CCDC170: variants seen among roughly 807,000 people sequenced by gnomAD.
CCDC170 encodes the protein coiled-coil domain containing 170, also known as coiled-coil domain-containing protein 170.
Under a neutral mutation model 72.6 loss-of-function variants are expected in CCDC170, and 69 were observed. That is an observed-to-expected ratio of 0.95 (90% CI 0.78 to 1.16). The LOEUF is 1.16. Among genes scored for constraint, CCDC170 ranks in the 50% most tolerant of loss-of-function variants. CCDC170 has a pLI of 0.00. For missense variants in CCDC170, 852 were observed against 832.5 expected (o/e 1.02, Z -0.29); for synonymous variants, 300 against 303.9 (o/e 0.99, Z 0.13).
chr6:151,561,506 T>A (rs1776029922), intron 5 of CCDC170, among the ~76,000 whole-genome samples: 1 of 152,106 alleles, frequency 6.6e-6, no homozygotes, highest in Admixed American at 6.5e-5. Flanking sequence ...TGGCTGGCAA[T>A]TTTTTTCTTT....
chr6:151,560,941 T>C (rs1336342262), intron 5 of CCDC170, among the ~76,000 whole-genome samples: 2 of 152,168 alleles, frequency 1.3e-5, no homozygotes, highest in Admixed American at 1.3e-4. Context: ...AAGTGGAGCA[T>C]TTAGGCCATT....
At chr6:151,520,890 C>T (rs1782304860) in intron 1 of CCDC170, among the ~76,000 whole-genome samples, 1 of 152,200 alleles carries the variant, frequency 6.6e-6, no homozygotes, top group Non-Finnish European at 1.5e-5. Flanking sequence ...ATTCCTGAAG[C>T]TCAGAGAGAC....
intron 1 of CCDC170, among the ~76,000 whole-genome samples, chr6:151,519,677 G>A (rs181436796): frequency 6.6e-5 from 10 of 152,246 alleles, no homozygotes; most frequent in African/African-American, 1.2e-4. Flanking sequence ...CGGTCCCTCC[G>A]TTCGGGGTTC....
At chr6:151,587,207 GA>G (rs1028819247) in intron 7 of CCDC170, among the ~76,000 whole-genome samples, 2 of 152,118 alleles carry the variant, frequency 1.3e-5, no homozygotes, top group African/African-American at 4.8e-5. Context: ...GGAAGAGAAG[GA>G]GCCCGCACTG....
intron 8 of CCDC170, among the ~76,000 whole-genome samples, chr6:151,595,996 T>A (rs1429022097): frequency 6.6e-6 from 1 of 152,216 alleles, no homozygotes; most frequent in Admixed American, 6.5e-5. Flanking sequence ...TCTCTCTGTC[T>A]TATTACATTC....
chr6:151,526,548 G>A (rs6922704), intron 1 of CCDC170, among the ~76,000 whole-genome samples: 2 of 136,150 alleles, frequency 1.5e-5, no homozygotes, highest in African/African-American at 5.7e-5. Flanking sequence ...ATGGAGACTC[G>A]CTCTGTCGCC....
intron 9 of CCDC170, among the ~76,000 whole-genome samples, chr6:151,604,421 G>A (rs1047471004): frequency 1.3e-5 from 2 of 152,104 alleles, no homozygotes; most frequent in Non-Finnish European, 2.9e-5. Flanking sequence ...GGAGTGGAGG[G>A]GTGTGTCCTT....
chr6:151,597,574 G>T (rs2115121191), intron 9 of CCDC170, among the ~76,000 whole-genome samples: 1 of 152,346 alleles, frequency 6.6e-6, no homozygotes, highest in Non-Finnish European at 1.5e-5. Flanking sequence ...GCTGAAAAGA[G>T]TCAGGCAGGC....
At chr6:151,566,427 T>C (rs1388785415) in intron 5 of CCDC170, among the ~76,000 whole-genome samples, 5 of 152,164 alleles carry the variant, frequency 3.3e-5, no homozygotes, top group Non-Finnish European at 7.4e-5. Flanking sequence ...ACTTTTTTCC[T>C]TATTTCCAGT....
intron 1 of CCDC170, among the ~76,000 whole-genome samples, chr6:151,517,300 C>T (rs1315103946): frequency 6.6e-6 from 1 of 152,142 alleles, no homozygotes; most frequent in Non-Finnish European, 1.5e-5. Context: ...CCATTGCACT[C>T]CATCCTGGGC....
chr6:151,539,883 T>C (rs1782656025), intron 3 of CCDC170, among the ~76,000 whole-genome samples: 1 of 152,226 alleles, frequency 6.6e-6, no homozygotes. Flanking sequence ...TTCAAAATTC[T>C]TGCTATCAAA....
intron 1 of CCDC170, among the ~76,000 whole-genome samples, chr6:151,523,462 G>A (rs1010845998): frequency 2.0e-5 from 3 of 151,980 alleles, no homozygotes; most frequent in Non-Finnish European, 2.9e-5. Context: ...GAGGTGGGTG[G>A]ATCACTTGAG....
intron 3 of CCDC170, among the ~76,000 whole-genome samples, chr6:151,541,250 A>G (rs1335731392): frequency 6.6e-6 from 1 of 152,066 alleles, no homozygotes; most frequent in Non-Finnish European, 1.5e-5. Flanking sequence ...TACTCCTCTA[A>G]TATCTCTTGC....
intron 8 of CCDC170, 115 bp from the exon 9 acceptor site, chr6:151,596,220 G>T: frequency 3.2e-6 from 4 of 1,255,776 alleles, no homozygotes; most frequent in Non-Finnish European, 4.3e-6. Context: ...TTTTTTGATG[G>T]TTTACAAATT....
At chr6:151,539,012 A>T (rs1277271001) in intron 3 of CCDC170, among the ~76,000 whole-genome samples, 1 of 152,130 alleles carries the variant, frequency 6.6e-6, no homozygotes, top group Non-Finnish European at 1.5e-5. Context: ...CTGTAATCCC[A>T]GCACTTTTGG....
At chr6:151,598,674 G>A (rs1175116903) in intron 9 of CCDC170, among the ~76,000 whole-genome samples, 1 of 152,138 alleles carries the variant, frequency 6.6e-6, no homozygotes, top group Non-Finnish European at 1.5e-5. Flanking sequence ...CCTCCACCCA[G>A]TTATCATCTC....
intron 5 of CCDC170, among the ~76,000 whole-genome samples, chr6:151,554,764 C>T (rs867581624): frequency 4.6e-5 from 7 of 151,370 alleles, no homozygotes; most frequent in East Asian, 1.9e-4. Flanking sequence ...CTGCGCAGAG[C>T]GGTTAAGAAG....
Position 151,608,800 on chromosome 6 carries a change from C to A in CCDC170, c.1711-6643C>A, listed in dbSNP as rs115609999. Among the ~76,000 whole-genome samples the A allele has an allele frequency of 3.1e-3, 471 of 152,286 alleles. 2 individuals carry two copies. The highest frequency in any genetic ancestry group is 0.011 in the African/African-American group (443 of 41,560). On this transcript the variant is annotated intron_variant, in intron 9 of 10. Coordinates refer to ENST00000239374, the MANE Select transcript of CCDC170 (RefSeq NM_025059.4). Reference sequence around the variant, plus strand: ...TGGCTGTCAGGCTCTGGGGAGCATGCACTTTCAGTCTCAGGAAGTGAGTTT... The same window carrying A: ...TGGCTGTCAGGCTCTGGGGAGCATGAACTTTCAGTCTCAGGAAGTGAGTTT...
chr6:151,588,420 G>C (rs1353646121), intron 7 of CCDC170, among the ~76,000 whole-genome samples: 1 of 152,140 alleles, frequency 6.6e-6, no homozygotes, highest in East Asian at 1.9e-4. Flanking sequence ...GCCTTCCAAG[G>C]GTTGGACACA....
Sources: gnomAD v4.1 joint callset for allele counts (sites outside exome capture counted in the v4.1 genomes callset) on GRCh38, gnomAD v4.1.1 for gene constraint, MANE v1.5 for transcripts, NCBI Gene and HGNC (gene_info 2026-07-23, HGNC 2026-07-21) for gene names.